Variants in ERBB4 observed in about 807,000 individuals in gnomAD.
The protein encoded by ERBB4 is receptor tyrosine-protein kinase erbB-4.
Under a neutral mutation model 158.0 loss-of-function variants are expected in ERBB4, and 42 were observed. That is an observed-to-expected ratio of 0.27 (90% confidence interval 0.21 to 0.34). The LOEUF (loss-of-function observed/expected upper bound fraction) is 0.34, where lower values mean the gene tolerates loss of function less well. Among genes scored for constraint, ERBB4 ranks in the 10% least tolerant of loss-of-function variants. ERBB4 has a pLI of 1.00. For synonymous variants in ERBB4, 583 were observed against 558.7 expected, an observed-to-expected ratio of 1.04 and a Z score of -0.61; for missense variants, 1,333 against 1,624.1, an observed-to-expected ratio of 0.82 and a Z score of 3.08.
intron 1 of ERBB4, among the ~76,000 whole-genome samples, chr2:212,169,271 A>C (rs569194551): frequency 6.6e-6 from 1 of 152,254 alleles, no homozygotes; most frequent in South Asian, 2.1e-4. Context: ...AATCTTGCCT[A>C]CTTATCAACA....
intron 25 of ERBB4, among the ~76,000 whole-genome samples, chr2:211,389,157 T>C (rs1363992127): frequency 6.6e-6 from 1 of 152,094 alleles, no homozygotes; most frequent in African/African-American, 2.4e-5. Flanking sequence ...TTCCTCAGCC[T>C]CCCGAGTAGC....
intron 2 of ERBB4, among the ~76,000 whole-genome samples, chr2:212,053,349 C>G (rs1290222965): frequency 2.6e-5 from 4 of 152,148 alleles, no homozygotes; most frequent in African/African-American, 9.7e-5. Flanking sequence ...CTGGGCCAAT[C>G]TAAACATCCA....
chr2:212,345,923 A>C (rs2088975969), intron 1 of ERBB4, among the ~76,000 whole-genome samples: 2 of 152,188 alleles, frequency 1.3e-5, no homozygotes, highest in Non-Finnish European at 1.5e-5. Flanking sequence ...GAATTCTCCG[A>C]AAAAGATAGA....
At chr2:211,906,112 G>T (rs1234874349) in intron 3 of ERBB4, among the ~76,000 whole-genome samples, 1 of 152,062 alleles carries the variant, frequency 6.6e-6, no homozygotes, top group Non-Finnish European at 1.5e-5. Context: ...TATGGCTGTT[G>T]TGTACAAAAT....
intron 1 of ERBB4, among the ~76,000 whole-genome samples, chr2:212,278,746 T>C (rs1168775289): frequency 6.6e-6 from 1 of 151,618 alleles, no homozygotes; most frequent in African/African-American, 2.4e-5. Flanking sequence ...AATCTTCACT[T>C]TAAAAAAAGC....
chr2:212,339,369 A>C (rs1281930351), intron 1 of ERBB4, among the ~76,000 whole-genome samples: 2 of 152,184 alleles, frequency 1.3e-5, no homozygotes, highest in Non-Finnish European at 2.9e-5. Flanking sequence ...AGAGTACAAT[A>C]AACTAAGAAT....
intron 18 of ERBB4, among the ~76,000 whole-genome samples, chr2:211,623,058 A>C: frequency 8.4e-6 from 1 of 119,152 alleles, no homozygotes; most frequent in Non-Finnish European, 1.7e-5. Flanking sequence ...ATGCCAAAGT[A>C]ACTTTTGGGA....
chr2:211,617,749 A>C (rs938329522), intron 19 of ERBB4, among the ~76,000 whole-genome samples: 3 of 152,154 alleles, frequency 2.0e-5, no homozygotes, highest in Non-Finnish European at 4.4e-5. Flanking sequence ...AAAGGAGCTT[A>C]CAAGAGAAAC....
At position 211,534,401 on chromosome 2, in the gene ERBB4, G is replaced by A. The variant is rs2066588256; in HGVS notation, c.2487+27502C>T. On this transcript the variant is annotated intron_variant, in intron 20 of 27. Transcript: ENST00000342788. ...AAGGTATTGTTAAACTAGGAACAGT[G>A]CTCTCTTCAAGAATCTCCTTTGGAT... 2.0e-5 allele frequency among the ~76,000 whole-genome samples: 3 copies of A among 152,018 alleles called. 1 individual carries two copies.
intron 20 of ERBB4, among the ~76,000 whole-genome samples, chr2:211,457,266 G>T (rs1041516114): frequency 2.6e-5 from 4 of 152,140 alleles, no homozygotes; most frequent in African/African-American, 9.7e-5. Flanking sequence ...TAAATGGTTT[G>T]AAATTATCTA....
rs181341601 is a variant in ERBB4, at chr2:211,445,932, T to C, written c.2488-14832A>G. On this transcript the variant is annotated intron_variant, in intron 20 of 27. Transcript: ENST00000342788. ...AGGAGAAATGTTCCAGCAGCAGAGA[T>C]GGGATCAAATGTTCATGTAAGGAGG... 2.6e-4 allele frequency among the ~76,000 whole-genome samples: 39 copies of C among 152,188 alleles called. No homozygotes were observed. In the East Asian group the frequency reaches 5.2e-3, roughly 20 times the overall value.
intron 20 of ERBB4, among the ~76,000 whole-genome samples, chr2:211,483,293 A>T (rs1246464347): frequency 6.6e-6 from 1 of 152,180 alleles, no homozygotes; most frequent in Non-Finnish European, 1.5e-5. Context: ...ATTTTTCAAG[A>T]AATCATGTTC....
intron 1 of ERBB4, among the ~76,000 whole-genome samples, chr2:212,284,359 TG>T (rs2085877282): frequency 6.6e-6 from 1 of 152,140 alleles, no homozygotes; most frequent in South Asian, 2.1e-4. Flanking sequence ...TCTGCTGCCC[TG>T]TTTCCACAAA....
chr2:212,452,642 T>A (rs774544195), intron 1 of ERBB4, among the ~76,000 whole-genome samples: 1 of 152,148 alleles, frequency 6.6e-6, no homozygotes, highest in Non-Finnish European at 1.5e-5. Context: ...TTAACATATA[T>A]ACACAAACAA....
chr2:211,734,619 T>C (rs2074540831), intron 5 of ERBB4, among the ~76,000 whole-genome samples: 1 of 50,290 alleles, frequency 2.0e-5, no homozygotes, highest in Non-Finnish European at 3.9e-5. Flanking sequence ...AGCTGTAGCA[T>C]TAAAAAAAAA....
chr2:211,508,029 C>T (rs977397653), intron 20 of ERBB4, among the ~76,000 whole-genome samples: 6 of 152,068 alleles, frequency 3.9e-5, no homozygotes, highest in Non-Finnish European at 8.8e-5. Flanking sequence ...ATCATAAAAA[C>T]CCTAGAAGAA....
At chr2:211,986,865 T>C (rs1185364800) in intron 2 of ERBB4, among the ~76,000 whole-genome samples, 2 of 152,198 alleles carry the variant, frequency 1.3e-5, no homozygotes, top group Non-Finnish European at 2.9e-5. Context: ...AAAGTTTATT[T>C]AATATTTACA....
chr2:212,430,826 AGATGGGG>A (rs1465532395), intron 1 of ERBB4, among the ~76,000 whole-genome samples: 1 of 152,016 alleles, frequency 6.6e-6, no homozygotes, highest in Non-Finnish European at 1.5e-5. Flanking sequence ...ATGAGGTGGG[AGATGGGG>A]GATGGGGGAA....
chr2:212,284,208 AT>A lies in ERBB4; in HGVS notation c.83-159306del, dbSNP rs1429281460. On this transcript the variant is annotated intron_variant, in intron 1 of 27. Transcript: ENST00000342788. Reference sequence around the variant, plus strand: ...GGGAGAAACTCCATCTGAGTCTCTAATTAAATAACTTTTGTATAGTTCCTTT... The same window carrying A: ...GGGAGAAACTCCATCTGAGTCTCTAATAAATAACTTTTGTATAGTTCCTTT... Among the ~76,000 whole-genome samples the A allele has an allele frequency of 4.5e-4, 69 of 152,234 alleles. 2 individuals are homozygous for A. In the East Asian group the frequency reaches 0.013, roughly 29 times the overall value.
Sources: allele counts gnomAD v4.1 joint callset (sites outside exome capture counted in the v4.1 genomes callset), GRCh38; gene constraint gnomAD v4.1.1; transcripts MANE v1.5; gene names NCBI Gene and HGNC (gene_info 2026-07-23, HGNC 2026-07-21).